SMIM7: variants seen among roughly 807,000 people sequenced by gnomAD.
SMIM7 encodes the protein UPF0608 protein C19orf42.
A neutral mutation model predicts 13.3 loss-of-function variants in SMIM7; 12 were observed. The observed-to-expected ratio is 0.90, with a 90% CI of 0.58 to 1.46. The LOEUF (loss-of-function observed/expected upper bound fraction) is 1.46, where lower values mean the gene tolerates loss of function less well. SMIM7 is among the 40% of genes most tolerant of loss of function. The probability of loss-of-function intolerance (pLI) is 0.00; values close to 1 mark genes in which losing one functional copy is unlikely to be tolerated. For synonymous variants in SMIM7, 36 were observed against 35.8 expected, an observed-to-expected ratio of 1.01 and a Z score of -0.02; for missense variants, 114 against 94.8, an observed-to-expected ratio of 1.20 and a Z score of -0.84.
intron 4 of SMIM7, chr19:16,652,437 A>C (rs1267008440): frequency 3.2e-6 from 2 of 628,182 alleles, no homozygotes; most frequent in Non-Finnish European, 4.0e-6. Flanking sequence ...CCTGGGCTCA[A>C]GCAATTCTCC....
At position 16,654,128 on chromosome 19, in the gene SMIM7, G is replaced by A; in HGVS notation, c.122-3C>T. The A allele has an allele frequency of 6.2e-7, 1 of 1,613,414 alleles. No individual in the cohort carries two copies. The highest frequency in any genetic ancestry group is 1.1e-5 in the South Asian group (1 of 91,046). On this transcript the variant is annotated splice_polypyrimidine_tract_variant and splice_region_variant and intron_variant, in intron 3 of 4. Transcript: ENST00000487416. ...CAAGAATTCCCGGATGTTGTCACCT[G>A]GAAGAATCAGAAAGCACTTTTATGG... is the stretch of plus-strand genomic sequence containing the variant.
At chr19:16,634,058 T>C (rs967958048) in intron 4 of SMIM7, 1 of 152,240 alleles carries the variant, frequency 6.6e-6, no homozygotes, top group African/African-American at 2.4e-5. Context: ...GACTCCAGTA[T>C]GGCTAATCTA....
intron 4 of SMIM7, among the ~76,000 whole-genome samples, chr19:16,635,899 A>AAATATATAT (rs1200181092): frequency 1.5e-4 from 16 of 109,578 alleles, no homozygotes; most frequent in African/African-American, 5.6e-4. Context: ...AAAAAAAAAA[A>AAATATATAT]ATATATATAT....
intron 4 of SMIM7, among the ~76,000 whole-genome samples, chr19:16,639,479 A>T (rs1007161940): frequency 6.6e-6 from 1 of 152,188 alleles, no homozygotes; most frequent in Non-Finnish European, 1.5e-5. Flanking sequence ...TTTTCCATAA[A>T]GGGTCAGAAA....
intron 3 of SMIM7, 40 bp downstream of exon 3, chr19:16,659,355 G>C: frequency 6.5e-7 from 1 of 1,538,862 alleles, no homozygotes; most frequent in South Asian, 1.1e-5. Flanking sequence ...ACTGTCCTCT[G>C]AAGTGGACCA....
At chr19:16,641,989 C>T (rs956168205), downstream of SMIM7, among the ~76,000 whole-genome samples, 2 of 152,128 alleles carry the variant, frequency 1.3e-5, no homozygotes, top group Non-Finnish European at 2.9e-5. Flanking sequence ...CAATGAGAAG[C>T]GCGTGCAAAA....
downstream of SMIM7, among the ~76,000 whole-genome samples, chr19:16,644,118 GTTTTTTTTT>G (rs557600997): frequency 1.7e-3 from 148 of 85,434 alleles, no homozygotes; most frequent in Admixed American, 3.4e-3. Context: ...AATTGTTTGC[GTTTTTTTTT>G]TTTTTTTTTT....
chr19:16,658,207 G>A (rs76081951), intron 3 of SMIM7, among the ~76,000 whole-genome samples: 6,913 of 152,144 alleles, frequency 0.045, 229 homozygotes, highest in Non-Finnish European at 0.069. Context: ...GTCACCTAAC[G>A]TCACCTCTGT....
chr19:16,648,500 A>C (rs1240614604), intron 4 of SMIM7, among the ~76,000 whole-genome samples: 1 of 152,198 alleles, frequency 6.6e-6, no homozygotes, highest in Non-Finnish European at 1.5e-5. Flanking sequence ...AAAAGACAAC[A>C]TACAAAATGG....
At chr19:16,645,400 T>G (rs1339956441), downstream of SMIM7, 6 of 152,240 alleles carry the variant, frequency 3.9e-5, no homozygotes, top group Admixed American at 3.9e-4. Context: ...GCCAAGATCT[T>G]GGCGTGCCTG....
chr19:16,657,691 A>G (rs2122553083), intron 3 of SMIM7, among the ~76,000 whole-genome samples: 1 of 152,276 alleles, frequency 6.6e-6, no homozygotes, highest in South Asian at 2.1e-4. Context: ...CTGGGTCAGC[A>G]CCCAAGGGCA....
intron 3 of SMIM7, among the ~76,000 whole-genome samples, chr19:16,656,677 T>C (rs1033326775): frequency 7.2e-5 from 11 of 152,008 alleles, no homozygotes; most frequent in Non-Finnish European, 1.2e-4. Context: ...GGAGGGCAGA[T>C]CACCTGATGT....
At chr19:16,641,037 T>C (rs189906929), downstream of SMIM7, 10 of 152,304 alleles carry the variant, frequency 6.6e-5, no homozygotes, top group African/African-American at 2.2e-4. Flanking sequence ...TGTATATGTT[T>C]GTTAAAATGC....
intron 4 of SMIM7, among the ~76,000 whole-genome samples, chr19:16,651,485 A>G (rs993545903): frequency 6.6e-6 from 1 of 152,190 alleles, no homozygotes; most frequent in African/African-American, 2.4e-5. Context: ...CTGCCCCAGG[A>G]AACAAAATCA....
At chr19:16,632,647 T>C (rs1381870111) in intron 4 of SMIM7, among the ~76,000 whole-genome samples, 1 of 150,994 alleles carries the variant, frequency 6.6e-6, no homozygotes, top group Non-Finnish European at 1.5e-5. Context: ...TTCTCGTGCC[T>C]CAGCCTCCTG....
At chr19:16,639,160 C>T (rs974751500) in intron 4 of SMIM7, among the ~76,000 whole-genome samples, 13 of 141,554 alleles carry the variant, frequency 9.2e-5, no homozygotes, top group South Asian at 4.4e-4. Context: ...CTTGCTCTGT[C>T]GCCCAGGCTG....
intron 4 of SMIM7, among the ~76,000 whole-genome samples, chr19:16,649,840 A>G (rs1203038397): frequency 6.6e-6 from 1 of 152,142 alleles, no homozygotes; most frequent in African/African-American, 2.4e-5. Flanking sequence ...AACCTCAAAA[A>G]CATGATGCTG....
At chr19:16,657,650 G>C (rs1235004092) in intron 3 of SMIM7, among the ~76,000 whole-genome samples, 1 of 152,168 alleles carries the variant, frequency 6.6e-6, no homozygotes, top group Non-Finnish European at 1.5e-5. Context: ...AAGAATGGAG[G>C]GAGAATGCAA....
chr19:16,633,787 A>G (rs918541699), intron 4 of SMIM7: 7 of 152,248 alleles, frequency 4.6e-5, no homozygotes, highest in African/African-American at 1.4e-4. Context: ...AATGCAGCAT[A>G]TAAACTATAT....
Sources: gnomAD v4.1 joint callset for allele counts (sites outside exome capture counted in the v4.1 genomes callset) on GRCh38, gnomAD v4.1.1 for gene constraint, MANE v1.5 for transcripts, NCBI Gene and HGNC (gene_info 2026-07-23, HGNC 2026-07-21) for gene names.